ATP10B: variants seen among roughly 807,000 people sequenced by gnomAD.
ATP10B encodes ATPase phospholipid transporting 10B (putative).
In ATP10B, 122 loss-of-function variants were observed where a neutral mutation model predicts 141.2. The observed-to-expected ratio is 0.86, with a 90% confidence interval of 0.75 to 1.00. ATP10B has a LOEUF of 1.00. Among genes scored for constraint, ATP10B ranks in the 50% least tolerant of loss-of-function variants. The pLI, the probability that ATP10B is intolerant of heterozygous loss-of-function variation, is 0.00. For synonymous variants in ATP10B, 685 were observed against 692.0 expected, an observed-to-expected ratio of 0.99 and a Z score of 0.16; for missense variants, 1,876 against 1,825.3, an observed-to-expected ratio of 1.03 and a Z score of -0.51.
chr5:160,830,719 T>G (rs943480074), intron 1 of ATP10B, among the ~76,000 whole-genome samples: 1 of 152,084 alleles, frequency 6.6e-6, no homozygotes, highest in African/African-American at 2.4e-5. Flanking sequence ...AGATTTTTAT[T>G]GCATATTTGA....
Position 160,651,862 on chromosome 5 carries a change from G to C in ATP10B, c.676-2606C>G, listed in dbSNP as rs573476974. 5.9e-5 allele frequency among the ~76,000 whole-genome samples: 9 copies of C among 152,066 alleles called. No homozygotes were observed. The East Asian group carries it at 1.5e-3, about 26-fold the overall frequency. On this transcript the variant is annotated intron_variant, in intron 7 of 25. Transcript: ENST00000327245. Reference sequence around the variant, plus strand: ...GGGACAAACACTTGCTGAGCTCCAAGATGATGACAAATCATGCTGTAATTT... The same window carrying C: ...GGGACAAACACTTGCTGAGCTCCAACATGATGACAAATCATGCTGTAATTT...
chr5:160,744,038 C>A (rs1450323791), intron 2 of ATP10B, among the ~76,000 whole-genome samples: 1 of 152,066 alleles, frequency 6.6e-6, no homozygotes, highest in Non-Finnish European at 1.5e-5. Flanking sequence ...TATTTAAGTT[C>A]CAAATTTTAT....
chr5:160,878,590 GAACAGGC>G, the ATP10B span, among the ~76,000 whole-genome samples: 1 of 151,632 alleles, frequency 6.6e-6, no homozygotes, highest in African/African-American at 2.4e-5. Context: ...CCGTCAGAGC[GAACAGGC>G]AACCTACAAA....
chr5:160,575,453 C>A (rs1755131648), intron 24 of ATP10B, among the ~76,000 whole-genome samples: 1 of 152,004 alleles, frequency 6.6e-6, no homozygotes, highest in African/African-American at 2.4e-5. Flanking sequence ...AAGAATAATG[C>A]TCATTTTGTA....
chr5:160,776,483 G>GAAAAATTC (rs1251129634), intron 2 of ATP10B, among the ~76,000 whole-genome samples: 1 of 152,200 alleles, frequency 6.6e-6, no homozygotes, highest in Non-Finnish European at 1.5e-5. Context: ...GCAGCCCTGT[G>GAAAAATTC]AGGTAGGTGC....
At chr5:160,674,938 C>CAA (rs1762930914) in intron 6 of ATP10B, among the ~76,000 whole-genome samples, 1 of 152,142 alleles carries the variant, frequency 6.6e-6, no homozygotes, top group Admixed American at 6.5e-5. Context: ...TTGCCCTGGG[C>CAA]CACTTTATGC....
At chr5:160,891,492 G>A in the ATP10B span, among the ~76,000 whole-genome samples, 136 of 152,242 alleles carry the variant, frequency 8.9e-4, no homozygotes, top group East Asian at 5.2e-3. Flanking sequence ...GTCTCGCTCC[G>A]TCACCCAGGC....
intron 24 of ATP10B, among the ~76,000 whole-genome samples, chr5:160,573,617 A>G (rs796114796): frequency 7.2e-5 from 11 of 152,236 alleles, no homozygotes; most frequent in African/African-American, 2.6e-4. Context: ...CGAGAACTCT[A>G]TTGTGAACTG....
intron 2 of ATP10B, among the ~76,000 whole-genome samples, chr5:160,779,739 C>A (rs1247291456): frequency 6.6e-6 from 1 of 152,146 alleles, no homozygotes; most frequent in Non-Finnish European, 1.5e-5. Context: ...GTGTATTATT[C>A]TTTTAAGGCA....
intron 3 of ATP10B, among the ~76,000 whole-genome samples, chr5:160,701,571 C>T (rs1359757010): frequency 1.3e-5 from 2 of 152,138 alleles, no homozygotes; most frequent in Admixed American, 1.3e-4. Context: ...CACCCTTCTA[C>T]CCTAGAGCTG....
At chr5:160,780,179 C>T (rs1022710272) in intron 2 of ATP10B, among the ~76,000 whole-genome samples, 1 of 152,076 alleles carries the variant, frequency 6.6e-6, no homozygotes, top group Non-Finnish European at 1.5e-5. Context: ...AGATTTTCCT[C>T]TAGAGGAGGG....
chr5:160,871,915 G>A, the ATP10B span, among the ~76,000 whole-genome samples: 2 of 152,218 alleles, frequency 1.3e-5, no homozygotes, highest in East Asian at 3.9e-4. Context: ...ACATCCAGCA[G>A]TGGGATTGCT....
chr5:160,904,948 G>C, the ATP10B span, among the ~76,000 whole-genome samples: 1 of 152,236 alleles, frequency 6.6e-6, no homozygotes, highest in South Asian at 2.1e-4. Context: ...TGCAAATGGG[G>C]AGACTGAGGC....
At chr5:160,597,154 G>A (rs1228863509) in intron 22 of ATP10B, among the ~76,000 whole-genome samples, 1 of 152,136 alleles carries the variant, frequency 6.6e-6, no homozygotes, top group Non-Finnish European at 1.5e-5. Context: ...ATACTACAAG[G>A]CTACAGTAAC....
chr5:160,759,579 A>C (rs937959300), intron 2 of ATP10B, among the ~76,000 whole-genome samples: 2 of 152,166 alleles, frequency 1.3e-5, no homozygotes, highest in African/African-American at 4.8e-5. Context: ...AGGCCTTTCT[A>C]AATCTGGTCT....
intron 11 of ATP10B, among the ~76,000 whole-genome samples, chr5:160,634,864 G>A (rs1039073999): frequency 3.3e-5 from 5 of 152,204 alleles, no homozygotes; most frequent in African/African-American, 9.6e-5. Flanking sequence ...GAGTGAGAGA[G>A]ACTTAGCATC....
At chr5:160,837,310 AAT>A (rs1395480414) in intron 1 of ATP10B, among the ~76,000 whole-genome samples, 1 of 152,158 alleles carries the variant, frequency 6.6e-6, no homozygotes, top group Non-Finnish European at 1.5e-5. Context: ...TAGCTTTTGA[AAT>A]ATTCTCCACA....
At chr5:160,827,020 G>A (rs1319342359) in intron 1 of ATP10B, among the ~76,000 whole-genome samples, 1 of 152,158 alleles carries the variant, frequency 6.6e-6, no homozygotes, top group Non-Finnish European at 1.5e-5. Context: ...TTCCTCAGAA[G>A]CACGTGATCT....
chr5:160,575,620 T>G (rs1755144006), intron 24 of ATP10B, among the ~76,000 whole-genome samples: 1 of 152,120 alleles, frequency 6.6e-6, no homozygotes, highest in South Asian at 2.1e-4. Context: ...CCTCCTAGGA[T>G]TCTATCTAGG....
Sources: allele counts gnomAD v4.1 joint callset (sites outside exome capture counted in the v4.1 genomes callset), GRCh38; gene constraint gnomAD v4.1.1; transcripts MANE v1.5; gene names NCBI Gene and HGNC (gene_info 2026-07-23, HGNC 2026-07-21).